The following TIMM22 variants were observed in gnomAD, a reference collection of about 807,000 sequenced individuals.
TIMM22 encodes the protein mitochondrial import inner membrane translocase subunit Tim22.
TIMM22 carries 12 observed loss-of-function variants against 18.3 expected under a neutral mutation model. The ratio of observed to expected loss-of-function variants is 0.65; its 90% CI spans 0.42 to 1.06. The LOEUF (loss-of-function observed/expected upper bound fraction) is 1.06. Among genes scored for constraint, TIMM22 ranks in the 50% least tolerant of loss-of-function variants. TIMM22 has a pLI of 0.00. For synonymous variants in TIMM22, 107 were observed against 98.5 expected (o/e 1.09, Z -0.51); for missense variants, 278 against 252.8 (o/e 1.10, Z -0.68).
chr17:997,408 A>G, intron 1 of TIMM22, 28 bp downstream of exon 1: 21 of 1,603,726 alleles, frequency 1.3e-5, no homozygotes, highest in Non-Finnish European at 1.8e-5. Flanking sequence ...GACCCTTGGG[A>G]GGCTGAGGGC....
In TIMM22 at chr17:998,763, CTG is replaced by C. The variant is rs1307967545; in HGVS notation, c.239-12_239-11del. Reference sequence around the variant, plus strand: ...AAACATGCCAAAGACACCTTCATCTCTGTGTTTGCTTCTAGGATTTGTCTTAG... The same window carrying C: ...AAACATGCCAAAGACACCTTCATCTCTGTTTGCTTCTAGGATTTGTCTTAG... On this transcript the variant is annotated splice_polypyrimidine_tract_variant and intron_variant, in intron 1 of 3. Transcript: ENST00000327158. 3.1e-6 allele frequency: 5 copies of C among 1,608,304 alleles called. No individual in the cohort carries two copies. In the African/African-American group the frequency reaches 4.0e-5, roughly 13 times the overall value.
intron 3 of TIMM22, among the ~76,000 whole-genome samples, chr17:1,000,066 A>ATTTTTTTAT (rs79776948): frequency 2.7e-5 from 4 of 150,554 alleles, no homozygotes; most frequent in South Asian, 4.2e-4. Context: ...TGCTCAGCTA[A>ATTTTTTTAT]TTTTTATTTT....
chr17:1,000,124 T>A (rs1017227813), intron 3 of TIMM22, among the ~76,000 whole-genome samples: 1 of 152,066 alleles, frequency 6.6e-6, no homozygotes, highest in African/African-American at 2.4e-5. Flanking sequence ...GACCTCGTGA[T>A]CTGCCTGCCT....
rs968093416 is a variant in TIMM22, at chr17:999,556, C to T, written c.480C>T (p.Cys160=). 1 of 1,613,494 alleles carries T rather than the reference C, an allele frequency of 6.2e-7. No individual in the cohort carries two copies. Residue 160 remains cysteine (C), a synonymous_variant, in exon 3 of 4, where the codon TGC becomes TGT. Transcript: ENST00000327158. ...SDWKNSVISG[C]ITGGAIGFRA... ...GGAAGAACAGTGTCATCAGTGGCTG[C>T]ATCACGGGAGGAGCTATTGGTTTCA... is the stretch of plus-strand genomic sequence containing the variant.
Position 1,002,909 on chromosome 17 carries a change from GA to G in TIMM22, c.*1822del, listed in dbSNP as rs1315807930. 1.3e-5 allele frequency: 2 copies of G among 152,196 alleles called. No individual in the cohort carries two copies. The highest frequency in any genetic ancestry group is 4.8e-5 in the African/African-American group (2 of 41,450). The allele number at this position is 152,196 out of a possible 1,614,324, so 9.4% of individuals were successfully genotyped here. A position where few individuals can be genotyped will look rare whatever the true frequency, so the allele number is the denominator to read the frequency against. On this transcript the variant is annotated 3_prime_UTR_variant, in exon 4 of 4. Coordinates refer to ENST00000327158, the MANE Select transcript of TIMM22 (RefSeq NM_013337.4). ...TTGTCCACGCTGCCTATTCACTCGA[GA>G]GATGAATAGTTTCCTGTTTTCGATG...
intron 3 of TIMM22, 89 bp from the exon 4 acceptor site, chr17:1,000,923 A>G: frequency 7.7e-7 from 1 of 1,306,676 alleles, no homozygotes; most frequent in Non-Finnish European, 1.1e-6. Flanking sequence ...AGCTCATTTC[A>G]TGACACTGAG....
intron 1 of TIMM22, 45 bp downstream of exon 1, chr17:997,425 G>A (rs1355638009): frequency 5.1e-6 from 8 of 1,577,732 alleles, no homozygotes; most frequent in South Asian, 2.3e-5. Flanking sequence ...GGGCCTGGAC[G>A]GCAGTGGGGA....
At position 1,003,242 on chromosome 17, in the gene TIMM22, T is replaced by A. The variant is rs1239713025; in HGVS notation, c.*2154T>A. On this transcript the variant is annotated 3_prime_UTR_variant, in exon 4 of 4. Coordinates refer to ENST00000327158, the MANE Select transcript of TIMM22 (RefSeq NM_013337.4). Reference sequence around the variant, plus strand: ...CTTTCAAGGCACACCGATGGCCAGGTGGGACATTTGTACTGTAGCAGCACA... The same window carrying A: ...CTTTCAAGGCACACCGATGGCCAGGAGGGACATTTGTACTGTAGCAGCACA... 1 of 152,170 alleles carries A rather than the reference T, an allele frequency of 6.6e-6. No individual in the cohort carries two copies. Among genetic ancestry groups the A allele is most frequent in the East Asian group, 1.9e-4 (1 of 5,192 alleles). The allele number at this position is 152,170 out of a possible 1,614,324, so 9.4% of individuals were successfully genotyped here. A position where few individuals can be genotyped will look rare whatever the true frequency, so the allele number is the denominator to read the frequency against.
intron 1 of TIMM22, among the ~76,000 whole-genome samples, chr17:997,597 C>A (rs1476659493): frequency 6.6e-6 from 1 of 152,202 alleles, no homozygotes; most frequent in African/African-American, 2.4e-5. Flanking sequence ...TGGTTGGGGC[C>A]TGAAAGTTAT....
chr17:1,000,568 T>C (rs967188391), intron 3 of TIMM22, among the ~76,000 whole-genome samples: 2 of 152,250 alleles, frequency 1.3e-5, no homozygotes, highest in African/African-American at 4.8e-5. Context: ...TCAAGCACCA[T>C]TTATGATGAC....
At chr17:997,511 C>T (rs1017895373) in intron 1 of TIMM22, 131 bp downstream of exon 1, 6 of 882,300 alleles carry the variant, frequency 6.8e-6, no homozygotes, top group Non-Finnish European at 1.0e-5. Flanking sequence ...TCGCCTCGTT[C>T]GTGAATCGGG....
In TIMM22 at chr17:1,002,147, T is replaced by G. The variant is rs1162073103; in HGVS notation, c.*1059T>G. On this transcript the variant is annotated 3_prime_UTR_variant, in exon 4 of 4. Coordinates refer to ENST00000327158, the MANE Select transcript of TIMM22 (RefSeq NM_013337.4). ...TTGGCCTAGTTGTGTGCCATGGATA[T>G]TAAAAAAAAAAAAAAAAAAATCCGT... 2.3e-5 allele frequency: 2 copies of G among 88,596 alleles called. No individual in the cohort carries two copies. The highest frequency in any genetic ancestry group is 9.9e-5 in the African/African-American group (2 of 20,276). The allele number at this position is 88,596 out of a possible 1,614,324, so 5.5% of individuals were successfully genotyped here. A position where few individuals can be genotyped will look rare whatever the true frequency, so the allele number is the denominator to read the frequency against.
Position 1,001,167 on chromosome 17 carries a change from A to G in TIMM22, c.*79A>G. 6.7e-7 allele frequency: 1 copy of G among 1,483,932 alleles called. No individual in the cohort carries two copies. 91.9% of individuals were successfully genotyped at this position (1,483,932 alleles called of 1,614,324 possible). On this transcript the variant is annotated 3_prime_UTR_variant, in exon 4 of 4. Coordinates refer to ENST00000327158, the MANE Select transcript of TIMM22 (RefSeq NM_013337.4). Reference sequence around the variant, plus strand: ...TGGAGGACAGTTTCTGTACCACACCAGGGCCTTGCTTCAGGGCCTGAAGAC... The same window carrying G: ...TGGAGGACAGTTTCTGTACCACACCGGGGCCTTGCTTCAGGGCCTGAAGAC...
At chr17:999,358 T>TATATATATATATATATATATATATAC (rs1408779709) in intron 2 of TIMM22, among the ~76,000 whole-genome samples, 154 bp from the exon 3 acceptor site, 2 of 132,586 alleles carry the variant, frequency 1.5e-5, no homozygotes, top group Non-Finnish European at 3.1e-5. Flanking sequence ...TATATATATA[T>TATATATATATATATATATATATATAC]ACACGCTGTA....
Position 1,001,856 on chromosome 17 carries a change from C to G in TIMM22, c.*768C>G, listed in dbSNP as rs989778530. ...CCCAGCCCAGCCTTTTCCTGGGATG[C>G]AGTGAAATCCCATCCATGAACTCGA... is the stretch of plus-strand genomic sequence containing the variant. On this transcript the variant is annotated 3_prime_UTR_variant, in exon 4 of 4. Transcript: ENST00000327158. 4 of 152,130 alleles carry G rather than the reference C, an allele frequency of 2.6e-5. No individual in the cohort carries two copies. Among genetic ancestry groups the G allele is most frequent in the Non-Finnish European group, 5.9e-5 (4 of 68,050 alleles). The allele number at this position is 152,130 out of a possible 1,614,324, so 9.4% of individuals were successfully genotyped here. A position where few individuals can be genotyped will look rare whatever the true frequency, so the allele number is the denominator to read the frequency against.
chr17:1,001,176 C>G lies in TIMM22; in HGVS notation c.*88C>G. 1 of 1,384,538 alleles carries G rather than the reference C, an allele frequency of 7.2e-7. No individual in the cohort carries two copies. The highest frequency in any genetic ancestry group is 1.0e-6 in the Non-Finnish European group (1 of 976,660). The allele number at this position is 1,384,538 out of a possible 1,614,324, so 85.8% of individuals were successfully genotyped here. A position where few individuals can be genotyped will look rare whatever the true frequency, so the allele number is the denominator to read the frequency against. ...GTTTCTGTACCACACCAGGGCCTTG[C>G]TTCAGGGCCTGAAGACATTCATTTT... On this transcript the variant is annotated 3_prime_UTR_variant, in exon 4 of 4. Coordinates refer to ENST00000327158, the MANE Select transcript of TIMM22 (RefSeq NM_013337.4).
Position 1,001,220 on chromosome 17 carries a change from T to C in TIMM22, c.*132T>C. 9.9e-7 allele frequency: 1 copy of C among 1,008,028 alleles called. No homozygotes were observed. The highest frequency in any genetic ancestry group is 1.4e-5 in the South Asian group (1 of 69,892). 62.4% of individuals were successfully genotyped at this position (1,008,028 alleles called of 1,614,324 possible). A position where few individuals can be genotyped will look rare whatever the true frequency, so the allele number is the denominator to read the frequency against. On this transcript the variant is annotated 3_prime_UTR_variant, in exon 4 of 4. Transcript: ENST00000327158. ...TCATTTTCCCTCATGTCGTTGGTAT[T>C]CTGAGGGAGCTGCCTGGCTTCTCTG...
In TIMM22 at chr17:998,866, C is replaced by T. The variant is rs762665267; in HGVS notation, c.326C>T (p.Pro109Leu). 2.2e-5 allele frequency: 36 copies of T among 1,613,946 alleles called. No homozygotes were observed. Among genetic ancestry groups the T allele is most frequent in the South Asian group, 4.4e-5 (4 of 91,090 alleles). The change falls in exon 2 of 4, where the codon CCG (proline) becomes CTG (leucine). Residue 109 changes from proline (P) to leucine (L), a missense_variant. Transcript: ENST00000327158. ...GACCCTAAGGATCCTTACCGTACACCGACTGCAAAAGAAGTGCTGAAAGAC... is the reference window on the plus strand; with the variant it reads ...GACCCTAAGGATCCTTACCGTACACTGACTGCAAAAGAAGTGCTGAAAGAC... ...GFDPKDPYRT[P>L]TAKEVLKDMG...
chr17:998,440 G>A (rs1328198146), intron 1 of TIMM22, among the ~76,000 whole-genome samples: 1 of 152,216 alleles, frequency 6.6e-6, no homozygotes, highest in African/African-American at 2.4e-5. Context: ...TACTGTGAAT[G>A]TCACAGTGGC....
Sources: allele counts gnomAD v4.1 joint callset (sites outside exome capture counted in the v4.1 genomes callset), GRCh38; gene constraint gnomAD v4.1.1; transcripts MANE v1.5; gene names NCBI Gene and HGNC (gene_info 2026-07-23, HGNC 2026-07-21).